UBE2F: variants seen among roughly 807,000 people sequenced by gnomAD.
UBE2F encodes the protein ubiquitin conjugating enzyme E2 F (putative).
Under a neutral mutation model 29.6 loss-of-function variants are expected in UBE2F, and 5 were observed. That is an observed-to-expected ratio of 0.17 (90% CI 0.09 to 0.36). The LOEUF (loss-of-function observed/expected upper bound fraction) is 0.36. UBE2F is among the 10% of genes least tolerant of loss of function. UBE2F has a pLI of 1.00. For missense variants in UBE2F, 141 were observed against 228.5 expected (o/e 0.62, Z 2.47); for synonymous variants, 66 against 81.8 (o/e 0.81, Z 1.04).
chr2:238,001,779 C>A (rs548071555), intron 4 of UBE2F, among the ~76,000 whole-genome samples: 12 of 152,168 alleles, frequency 7.9e-5, no homozygotes, highest in South Asian at 6.2e-4. Flanking sequence ...GAGATTGCGC[C>A]ACTGCACTCC....
At chr2:237,981,797 T>G (rs2063382346) in intron 2 of UBE2F, among the ~76,000 whole-genome samples, 1 of 151,912 alleles carries the variant, frequency 6.6e-6, no homozygotes, top group African/African-American at 2.4e-5. Flanking sequence ...TGGCTAATTT[T>G]TGTATCTTTT....
intron 2 of UBE2F, among the ~76,000 whole-genome samples, chr2:237,986,905 A>G (rs967113619): frequency 2.0e-5 from 3 of 152,196 alleles, no homozygotes; most frequent in Non-Finnish European, 2.9e-5. Flanking sequence ...TTTGATTTCT[A>G]TAGCTTGAAA....
intron 4 of UBE2F, among the ~76,000 whole-genome samples, chr2:238,013,979 G>A (rs2064097314): frequency 1.3e-5 from 2 of 152,158 alleles, no homozygotes; most frequent in African/African-American, 4.8e-5. Context: ...TGTGGGCCAC[G>A]GTGCACGTGT....
chr2:238,018,600 C>T (rs562688473), intron 5 of UBE2F, among the ~76,000 whole-genome samples: 1 of 152,134 alleles, frequency 6.6e-6, no homozygotes, highest in Non-Finnish European at 1.5e-5. Flanking sequence ...GAGTCTTGCT[C>T]TGTTCCCCAG....
chr2:237,975,406 C>T (rs1205365557), intron 2 of UBE2F, among the ~76,000 whole-genome samples: 3 of 152,138 alleles, frequency 2.0e-5, no homozygotes, highest in East Asian at 1.9e-4. Flanking sequence ...CCACTGTACC[C>T]GTCAAGTGTT....
At chr2:237,998,409 T>C (rs1022834332) in intron 4 of UBE2F, among the ~76,000 whole-genome samples, 1 of 152,180 alleles carries the variant, frequency 6.6e-6, no homozygotes, top group Non-Finnish European at 1.5e-5. Flanking sequence ...TGGAATCTTA[T>C]ATATGTACTC....
intron 3 of UBE2F, among the ~76,000 whole-genome samples, chr2:237,989,353 A>G (rs1466766937): frequency 6.6e-6 from 1 of 151,998 alleles, no homozygotes; most frequent in Non-Finnish European, 1.5e-5. Flanking sequence ...TGTTTCTTAA[A>G]AAATTATTAT....
rs913371911 is a variant in UBE2F at position 238,034,428 on chromosome 2, CA to C, written c.445-1439del. Among the ~76,000 whole-genome samples, 210 of 148,846 alleles carry C rather than the reference CA, an allele frequency of 1.4e-3. 1 individual carries two copies. The highest frequency in any genetic ancestry group is 2.1e-3 in the South Asian group (10 of 4,710). ...GGGCAACAAGAGCGAAAATCCGTCT[CA>C]AAAAAAAAAATTTTTTTTTAAGAAA... On this transcript the variant is annotated intron_variant, in intron 8 of 9. Coordinates refer to ENST00000272930, the MANE Select transcript of UBE2F (RefSeq NM_080678.3).
At chr2:238,013,744 G>A (rs1048978821) in intron 4 of UBE2F, among the ~76,000 whole-genome samples, 5 of 152,200 alleles carry the variant, frequency 3.3e-5, no homozygotes, top group Admixed American at 6.5e-5. Flanking sequence ...AAGGTAGTGA[G>A]GAGTGGGCTC....
In UBE2F at chr2:238,011,186, AG is replaced by A. The variant is rs896689734; in HGVS notation, c.215-5376del. Among the ~76,000 whole-genome samples, 3 of 152,332 alleles carry A rather than the reference AG, an allele frequency of 2.0e-5. No individual in the cohort carries two copies. In the East Asian group the frequency reaches 5.8e-4, roughly 29 times the overall value. On this transcript the variant is annotated intron_variant, in intron 4 of 9. Coordinates refer to ENST00000272930, the MANE Select transcript of UBE2F (RefSeq NM_080678.3). ...CTCTGAATCAGAGCCAGCTACATGC[AG>A]GGGCCTGCAGGGCCCAACACCCTTT... is the stretch of plus-strand genomic sequence containing the variant.
At chr2:237,999,750 G>GT (rs1331228825) in intron 4 of UBE2F, among the ~76,000 whole-genome samples, 3 of 150,682 alleles carry the variant, frequency 2.0e-5, no homozygotes, top group Middle Eastern at 3.4e-3. Context: ...GTACCACACT[G>GT]TTTTAATTGT....
intron 6 of UBE2F, 113 bp downstream of exon 6, chr2:238,025,525 A>C: frequency 2.0e-6 from 2 of 985,364 alleles, no homozygotes; most frequent in Non-Finnish European, 3.1e-6. Flanking sequence ...CAAGATTAGG[A>C]AGGGCTTGAA....
chr2:238,025,184 C>G, intron 5 of UBE2F, 158 bp from the exon 6 acceptor site: 2 of 648,412 alleles, frequency 3.1e-6, no homozygotes, highest in South Asian at 3.4e-5. Flanking sequence ...GTGAGGTGAG[C>G]CAGTATTCAG....
intron 5 of UBE2F, among the ~76,000 whole-genome samples, chr2:238,022,795 G>A (rs912971266): frequency 1.3e-5 from 2 of 152,154 alleles, no homozygotes; most frequent in African/African-American, 4.8e-5. Context: ...GGGGGAATGT[G>A]GGAGGGCTGG....
At chr2:238,018,670 A>G (rs747120619) in intron 5 of UBE2F, among the ~76,000 whole-genome samples, 2 of 152,156 alleles carry the variant, frequency 1.3e-5, no homozygotes, top group African/African-American at 2.4e-5. Context: ...GGTTCAAGCA[A>G]TTCTCCTGCC....
In UBE2F at chr2:237,967,945, G is replaced by T. The variant is rs1006300840; in HGVS notation, c.-17+813G>T. Among the ~76,000 whole-genome samples, 5 of 152,156 alleles carry T rather than the reference G, an allele frequency of 3.3e-5. No individual in the cohort carries two copies. Among genetic ancestry groups the T allele is most frequent in the Non-Finnish European group, 5.9e-5 (4 of 68,030 alleles). On this transcript the variant is annotated intron_variant, in intron 1 of 9. Transcript: ENST00000272930. The surrounding 1 kb of genome is among the most constrained non-coding windows in gnomAD (Gnocchi z 6.3). Reference sequence around the variant, plus strand: ...CCCGACCGCCTGGAAGTGGGGGCAGGATGGGTTGGAATAGCCAGAGAAAGC... The same window carrying T: ...CCCGACCGCCTGGAAGTGGGGGCAGTATGGGTTGGAATAGCCAGAGAAAGC...
intron 4 of UBE2F, among the ~76,000 whole-genome samples, chr2:238,007,629 C>T (rs1353406889): frequency 6.6e-6 from 1 of 151,948 alleles, no homozygotes; most frequent in Non-Finnish European, 1.5e-5. Context: ...CTGAGGTGAT[C>T]ATAATGGTTT....
At chr2:237,977,030 G>A (rs531917081) in intron 2 of UBE2F, among the ~76,000 whole-genome samples, 31 of 152,270 alleles carry the variant, frequency 2.0e-4, no homozygotes, top group African/African-American at 7.0e-4. Flanking sequence ...AGGAGGCTCT[G>A]CGTCTCCATG....
intron 6 of UBE2F, among the ~76,000 whole-genome samples, chr2:238,025,732 C>G (rs1356123850): frequency 6.6e-6 from 1 of 152,198 alleles, no homozygotes; most frequent in Non-Finnish European, 1.5e-5. Flanking sequence ...GACCACATTC[C>G]CTCCATGTGG....
Sources: allele counts gnomAD v4.1 joint callset (sites outside exome capture counted in the v4.1 genomes callset), GRCh38; gene constraint gnomAD v4.1.1; non-coding constraint Gnocchi (gnomAD v3.1); transcripts MANE v1.5; gene names NCBI Gene and HGNC (gene_info 2026-07-23, HGNC 2026-07-21).